The following ANKFN1 variants were observed in gnomAD, a reference collection of about 807,000 sequenced individuals.
ANKFN1 encodes the protein ankyrin repeat and fibronectin type III domain containing 1, also known as ankyrin repeat and fibronectin type-III domain-containing protein 1.
Under a neutral mutation model 108.7 loss-of-function variants are expected in ANKFN1, and 74 were observed. That is an observed-to-expected ratio of 0.68 (90% CI 0.56 to 0.83). The LOEUF is 0.83. ANKFN1 is among the 40% of genes least tolerant of loss of function. The probability of loss-of-function intolerance (pLI) is 0.00; values close to 1 mark genes in which losing one functional copy is unlikely to be tolerated. For missense variants in ANKFN1, 1,505 were observed against 1,382.3 expected, an observed-to-expected ratio of 1.09 and a Z score of -1.41; for synonymous variants, 547 against 516.2, an observed-to-expected ratio of 1.06 and a Z score of -0.81.
intron 1 of ANKFN1, among the ~76,000 whole-genome samples, chr17:56,193,589 A>T (rs890992691): frequency 2.0e-5 from 3 of 152,102 alleles, no homozygotes; most frequent in South Asian, 4.1e-4. Context: ...TTAAAAAAAA[A>T]AAAAAGAATC....
chr17:56,251,805 A>C (rs980625007), intron 3 of ANKFN1, among the ~76,000 whole-genome samples: 1 of 152,218 alleles, frequency 6.6e-6, no homozygotes, highest in Non-Finnish European at 1.5e-5. Context: ...CAATACTCCT[A>C]GCCTCTGTAA....
chr17:56,321,385 C>G (rs890691536), intron 3 of ANKFN1, among the ~76,000 whole-genome samples: 1 of 150,698 alleles, frequency 6.6e-6, no homozygotes, highest in Non-Finnish European at 1.5e-5. Context: ...TGGCCAGGCT[C>G]TTTGCTGACC....
At chr17:56,073,406 T>C (rs574072715) in intron 4 of ANKFN1, among the ~76,000 whole-genome samples, 30 of 152,384 alleles carry the variant, frequency 2.0e-4, no homozygotes, top group Non-Finnish European at 3.1e-4. Flanking sequence ...AATTAGCATG[T>C]TACTTTTCGT....
At chr17:56,302,989 T>A (rs2044716709) in intron 3 of ANKFN1, among the ~76,000 whole-genome samples, 2 of 152,242 alleles carry the variant, frequency 1.3e-5, no homozygotes, top group Non-Finnish European at 2.9e-5. Context: ...GCTGCCTGTT[T>A]ATATGTTATT....
At chr17:56,333,754 G>GTA (rs1371619994) in intron 4 of ANKFN1, among the ~76,000 whole-genome samples, 1 of 152,062 alleles carries the variant, frequency 6.6e-6, no homozygotes, top group Non-Finnish European at 1.5e-5. Context: ...TAAAGGTCTG[G>GTA]TAGGCTGTAA....
chr17:56,363,013 A>G (rs372702084), intron 6 of ANKFN1, among the ~76,000 whole-genome samples: 4 of 152,252 alleles, frequency 2.6e-5, no homozygotes, highest in South Asian at 4.1e-4. Flanking sequence ...GACCGAGACC[A>G]TCCTGGCCAA....
intron 1 of ANKFN1, among the ~76,000 whole-genome samples, chr17:56,158,663 G>A (rs1263151363): frequency 2.6e-5 from 4 of 152,176 alleles, no homozygotes; most frequent in African/African-American, 4.8e-5. Context: ...CAGCATGTGG[G>A]GAGGGAGGGG....
intron 3 of ANKFN1, among the ~76,000 whole-genome samples, chr17:56,297,359 CAT>C: frequency 6.6e-6 from 1 of 152,272 alleles, no homozygotes; most frequent in Middle Eastern, 3.4e-3. Flanking sequence ...TTCTGTTGCT[CAT>C]TGCTGAGGAT....
intron 1 of ANKFN1, chr17:56,206,617 A>G (rs1388290822): frequency 6.6e-6 from 1 of 152,160 alleles, no homozygotes; most frequent in African/African-American, 2.4e-5. Context: ...AAAAAGAGAA[A>G]ATGTTTTTGG....
At chr17:56,453,132 C>A (rs1023711664) in intron 11 of ANKFN1, among the ~76,000 whole-genome samples, 1 of 151,992 alleles carries the variant, frequency 6.6e-6, no homozygotes, top group East Asian at 1.9e-4. Context: ...CTCTAAGTAA[C>A]GTGCTCATAT....
chr17:56,387,897 T>C (rs1037587554), intron 8 of ANKFN1, among the ~76,000 whole-genome samples: 1 of 152,222 alleles, frequency 6.6e-6, no homozygotes, highest in Non-Finnish European at 1.5e-5. Flanking sequence ...AGTTAACTTA[T>C]ATACTCAATC....
upstream of ANKFN1, among the ~76,000 whole-genome samples, chr17:56,152,262 A>ATATGTGTG (rs1491285234): frequency 2.6e-5 from 2 of 77,714 alleles, no homozygotes; most frequent in Admixed American, 2.3e-4. Flanking sequence ...ATATATATAT[A>ATATGTGTG]TGTGTGTGTG....
intron 14 of ANKFN1, among the ~76,000 whole-genome samples, chr17:56,459,500 C>T (rs1327391153): frequency 6.6e-6 from 1 of 152,124 alleles, no homozygotes; most frequent in Non-Finnish European, 1.5e-5. Context: ...ATTCAAAGTG[C>T]CTCGTCCTTT....
In ANKFN1 at chr17:56,449,030, GC is replaced by G. The variant is rs2145199695; in HGVS notation, c.1100-47del. On this transcript the variant is annotated intron_variant, in intron 10 of 20. Transcript: ENST00000682825. ...GCTCCTGACGCAGGGCAAGGAAGAGGCCTCCCCTGTTTTAAAATTTCACTAT... is the reference window on the plus strand; with the variant it reads ...GCTCCTGACGCAGGGCAAGGAAGAGGCTCCCCTGTTTTAAAATTTCACTAT... The G allele has an allele frequency of 3.9e-6, 6 of 1,530,616 alleles. No individual in the cohort carries two copies. The South Asian group carries it at 4.5e-5, about 11-fold the overall frequency. The allele number at this position is 1,530,616 out of a possible 1,614,324, so 94.8% of individuals were successfully genotyped here.
At chr17:56,091,011 A>C (rs776500896) in intron 4 of ANKFN1, among the ~76,000 whole-genome samples, 1 of 151,292 alleles carries the variant, frequency 6.6e-6, no homozygotes, top group Admixed American at 6.6e-5. Context: ...CTTGTGAACA[A>C]TTGTTACAAA....
chr17:56,441,351 T>TA (rs745356751), intron 9 of ANKFN1, among the ~76,000 whole-genome samples: 3,576 of 148,656 alleles, frequency 0.024, 60 homozygotes, highest in Admixed American at 0.048. Flanking sequence ...AGCCCACCCT[T>TA]AAAAAAAAAA....
chr17:56,287,718 T>C (rs1161270475), intron 3 of ANKFN1, among the ~76,000 whole-genome samples: 1 of 152,224 alleles, frequency 6.6e-6, no homozygotes, highest in Non-Finnish European at 1.5e-5. Flanking sequence ...ATATTGTTCT[T>C]TTTCATAAGT....
intron 8 of ANKFN1, among the ~76,000 whole-genome samples, chr17:56,384,285 A>T (rs1338414254): frequency 2.0e-5 from 3 of 152,182 alleles, no homozygotes; most frequent in Non-Finnish European, 2.9e-5. Context: ...ACAACCCTTC[A>T]TGCTAAAAAC....
intron 4 of ANKFN1, among the ~76,000 whole-genome samples, chr17:56,092,266 AT>A (rs748898792): frequency 0.036 from 3,967 of 111,310 alleles, 160 homozygotes; most frequent in African/African-American, 0.13. Flanking sequence ...GTGAGGTAGT[AT>A]TTTTTTTTTT....
Sources: gnomAD v4.1 joint callset for allele counts (sites outside exome capture counted in the v4.1 genomes callset) on GRCh38, gnomAD v4.1.1 for gene constraint, MANE v1.5 for transcripts, NCBI Gene and HGNC (gene_info 2026-07-23, HGNC 2026-07-21) for gene names.